Variants in SGPL1 observed in about 807,000 individuals in gnomAD.
SGPL1 encodes the protein sphingosine-1-phosphate lyase 1, also known as SP-lyase 1.
A neutral mutation model predicts 68.9 loss-of-function variants in SGPL1; 37 were observed. The observed-to-expected ratio is 0.54, with a 90% CI of 0.41 to 0.71. SGPL1 has a LOEUF of 0.71. Ranked by LOEUF, SGPL1 falls within the 30% of genes least tolerant of loss-of-function variation. SGPL1 has a pLI of 0.00. For synonymous variants in SGPL1, 236 were observed against 248.5 expected, an observed-to-expected ratio of 0.95 and a Z score of 0.47; for missense variants, 551 against 704.6, an observed-to-expected ratio of 0.78 and a Z score of 2.47.
At chr10:70,831,244 C>A (rs113797326) in intron 2 of SGPL1, among the ~76,000 whole-genome samples, 10,642 of 152,174 alleles carry the variant, frequency 0.07, 489 homozygotes, top group African/African-American at 0.1. Flanking sequence ...CAATCAACAC[C>A]GAAGACTTCC....
At chr10:70,867,199 T>A (rs1438340264) in intron 7 of SGPL1, among the ~76,000 whole-genome samples, 1 of 152,114 alleles carries the variant, frequency 6.6e-6, no homozygotes, top group Non-Finnish European at 1.5e-5. Flanking sequence ...TATTATTTTT[T>A]AAAAAAATAG....
At chr10:70,826,790 A>G (rs116036917) in intron 2 of SGPL1, among the ~76,000 whole-genome samples, 140 of 152,092 alleles carry the variant, frequency 9.2e-4, no homozygotes, top group African/African-American at 3.2e-3. Flanking sequence ...ATGCATATGT[A>G]TTTTTATTTT....
intron 2 of SGPL1, among the ~76,000 whole-genome samples, chr10:70,817,358 A>G (rs904027887): frequency 2.0e-5 from 3 of 152,244 alleles, no homozygotes; most frequent in South Asian, 2.1e-4. Context: ...GGATGAATAA[A>G]TAGCTGAATT....
At chr10:70,873,709 A>G (rs1265419076) in intron 12 of SGPL1, 120 bp downstream of exon 12, 2 of 754,364 alleles carry the variant, frequency 2.7e-6, no homozygotes, top group African/African-American at 1.7e-5. Context: ...TGCGATATAG[A>G]GGGCTTAGGG....
chr10:70,876,677 GT>G lies in SGPL1; in HGVS notation c.1566+24del, dbSNP rs758364983. The G allele has an allele frequency of 7.5e-6, 12 of 1,592,184 alleles. No homozygotes were observed. In the East Asian group the frequency reaches 1.3e-4, roughly 18 times the overall value. On this transcript the variant is annotated intron_variant, in intron 14 of 14. Transcript: ENST00000373202. The stretch of plus-strand genomic sequence containing the variant: ...CACAGGAATGGTAGGGACACTTGGA[GT>G]TTTTTTTCTTCTCTTGGAAATTTAG...
intron 7 of SGPL1, chr10:70,866,339 A>G (rs1846185750): frequency 6.6e-6 from 1 of 152,086 alleles, no homozygotes; most frequent in African/African-American, 2.4e-5. Context: ...GTGAGCCGAG[A>G]TCACGCCATG....
In SGPL1 at chr10:70,879,944, A is replaced by T. The variant is rs1035410489; in HGVS notation, c.*2609A>T. ...TAGACTTAAGTAGTCATGTGAATAT[A>T]CTGCTATGTCACTTTTAATATTACG... is the stretch of plus-strand genomic sequence containing the variant. On this transcript the variant is annotated 3_prime_UTR_variant, in exon 15 of 15. Coordinates refer to ENST00000373202, the MANE Select transcript of SGPL1 (RefSeq NM_003901.4). 1.2e-4 allele frequency: 18 copies of T among 152,602 alleles called. No individual in the cohort carries two copies. Among genetic ancestry groups the T allele is most frequent in the African/African-American group, 3.9e-4 (16 of 41,424 alleles). The allele number at this position is 152,602 out of a possible 1,614,324, so 9.5% of individuals were successfully genotyped here.
intron 2 of SGPL1, among the ~76,000 whole-genome samples, chr10:70,826,111 G>T (rs1000957668): frequency 6.6e-6 from 1 of 152,198 alleles, no homozygotes; most frequent in African/African-American, 2.4e-5. Flanking sequence ...CTTGAACGCG[G>T]GAGGTGGAGG....
chr10:70,861,296 A>T (rs972402027), intron 7 of SGPL1, among the ~76,000 whole-genome samples: 6 of 152,224 alleles, frequency 3.9e-5, no homozygotes, highest in Admixed American at 3.9e-4. Flanking sequence ...GAGAAGGCTA[A>T]CACACATCTA....
chr10:70,851,881 G>T (rs1845887995), intron 4 of SGPL1, among the ~76,000 whole-genome samples: 1 of 152,198 alleles, frequency 6.6e-6, no homozygotes, highest in Non-Finnish European at 1.5e-5. Flanking sequence ...GTTGGTTCCT[G>T]GCTGTAGTTT....
rs142181612 is a variant in SGPL1 at position 70,877,380 on chromosome 10, G to A, written c.*45G>A. The A allele has an allele frequency of 1.4e-3, 2,180 of 1,606,450 alleles. 18 individuals are homozygous for A. The highest frequency in any genetic ancestry group is 0.012 in the South Asian group (1,118 of 90,834). On this transcript the variant is annotated 3_prime_UTR_variant, in exon 15 of 15. Coordinates refer to ENST00000373202, the MANE Select transcript of SGPL1 (RefSeq NM_003901.4). ...TCAAGGGGATTCCAGCCTTCAGAAGGTTCTTGGGATATGGAACAGGCCGTG... is the reference window on the plus strand; with the variant it reads ...TCAAGGGGATTCCAGCCTTCAGAAGATTCTTGGGATATGGAACAGGCCGTG...
intron 2 of SGPL1, among the ~76,000 whole-genome samples, chr10:70,834,709 C>T (rs779232819): frequency 2.6e-5 from 4 of 152,142 alleles, no homozygotes; most frequent in African/African-American, 4.8e-5. Flanking sequence ...TCACTGGGAG[C>T]GTAGTGAAGA....
Position 70,876,531 on chromosome 10 carries a change from T to A in SGPL1, c.1446-10T>A. 6.2e-7 allele frequency: 1 copy of A among 1,606,930 alleles called. No individual in the cohort carries two copies. The highest frequency in any genetic ancestry group is 1.3e-5 in the African/African-American group (1 of 74,560). ...TCAAGGTTCATCTCTCTCTGTCTCTTCTTTCCTAGTATTCATTTCTGCATC... is the reference window on the plus strand; with the variant it reads ...TCAAGGTTCATCTCTCTCTGTCTCTACTTTCCTAGTATTCATTTCTGCATC... On this transcript the variant is annotated splice_polypyrimidine_tract_variant and intron_variant, in intron 13 of 14. Coordinates refer to ENST00000373202, the MANE Select transcript of SGPL1 (RefSeq NM_003901.4).
intron 10 of SGPL1, 146 bp downstream of exon 10, chr10:70,871,292 G>C: frequency 3.5e-6 from 2 of 563,380 alleles, no homozygotes; most frequent in Non-Finnish European, 6.2e-6. Context: ...CCTAGGGGAA[G>C]CCCTGCAGCT....
intron 4 of SGPL1, among the ~76,000 whole-genome samples, chr10:70,853,008 T>C (rs1280218060): frequency 6.6e-6 from 1 of 152,232 alleles, no homozygotes. Flanking sequence ...AGGAAGTACT[T>C]GTGCTTTCTA....
At chr10:70,828,962 A>T (rs1251137000) in intron 2 of SGPL1, among the ~76,000 whole-genome samples, 1 of 152,158 alleles carries the variant, frequency 6.6e-6, no homozygotes, top group African/African-American at 2.4e-5. Context: ...TGCCTTTCAG[A>T]AGTGTCCTGA....
chr10:70,858,909 C>T (rs908359765), intron 6 of SGPL1, among the ~76,000 whole-genome samples: 4 of 152,188 alleles, frequency 2.6e-5, no homozygotes, highest in Admixed American at 2.6e-4. Flanking sequence ...GGTCCCTTAG[C>T]ACTCTGTACA....
intron 6 of SGPL1, among the ~76,000 whole-genome samples, chr10:70,858,902 C>G (rs1217399591): frequency 6.6e-6 from 1 of 152,190 alleles, no homozygotes; most frequent in African/African-American, 2.4e-5. Flanking sequence ...TCTTCAGGGT[C>G]CCTTAGCACT....
At position 70,879,821 on chromosome 10, in the gene SGPL1, A is replaced by G. The variant is rs1846469101; in HGVS notation, c.*2486A>G. 1 of 152,512 alleles carries G rather than the reference A, an allele frequency of 6.6e-6. No individual in the cohort carries two copies. Among genetic ancestry groups the G allele is most frequent in the Admixed American group, 6.5e-5 (1 of 15,270 alleles). The allele number at this position is 152,512 out of a possible 1,614,324, so 9.4% of individuals were successfully genotyped here. A position where few individuals can be genotyped will look rare whatever the true frequency, so the allele number is the denominator to read the frequency against. On this transcript the variant is annotated 3_prime_UTR_variant, in exon 15 of 15. Transcript: ENST00000373202. ...TTGTGTATGTGTGCATATAGCAGCT[A>G]CTCTGTAGCAGAGGTGGGTAGAGAC... is the stretch of plus-strand genomic sequence containing the variant.
Sources: allele counts gnomAD v4.1 joint callset (sites outside exome capture counted in the v4.1 genomes callset), GRCh38; gene constraint gnomAD v4.1.1; transcripts MANE v1.5; gene names NCBI Gene and HGNC (gene_info 2026-07-23, HGNC 2026-07-21).